PRPSAP1: variants seen among roughly 807,000 people sequenced by gnomAD.
The protein encoded by PRPSAP1 is phosphoribosyl pyrophosphate synthetase associated protein 1, also known as phosphoribosyl pyrophosphate synthase-associated protein 1.
Under a neutral mutation model 39.4 loss-of-function variants are expected in PRPSAP1, and 31 were observed. The observed-to-expected ratio is 0.79, with a 90% CI of 0.59 to 1.06. The LOEUF is 1.06. Among genes scored for constraint, PRPSAP1 ranks in the 50% least tolerant of loss-of-function variants. The pLI is 0.00. For missense variants in PRPSAP1, 430 were observed against 511.6 expected, an observed-to-expected ratio of 0.84 and a Z score of 1.54; for synonymous variants, 212 against 192.6, an observed-to-expected ratio of 1.10 and a Z score of -0.83.
rs2071068133 is a variant in PRPSAP1 at position 76,311,343 on chromosome 17, G to T, written c.*199C>A. The T allele has an allele frequency of 1.9e-6, 1 of 530,458 alleles. No individual in the cohort carries two copies. Among genetic ancestry groups the T allele is most frequent in the Non-Finnish European group, 3.2e-6 (1 of 309,232 alleles). 32.9% of individuals were successfully genotyped at this position (530,458 alleles called of 1,614,324 possible). ...GGGCTGATGACAGCAGACATGTAAG[G>T]CCATGTTATGATATTTATCCATTAG... On this transcript the variant is annotated 3_prime_UTR_variant, in exon 10 of 10. Transcript: ENST00000446526.
rs1324862872 is a variant in PRPSAP1, at chr17:76,353,574, A to C, written c.130T>G (p.Ser44Ala). Residue 44 changes from serine to alanine, a missense_variant, in exon 1 of 10, where the codon TCC becomes GCC. Ser to Ala is a moderately conservative substitution (Grantham distance 99). This residue lies in a region of PRPSAP1 where 152 missense variants were observed against 135.2 expected (regional missense o/e 1.12). Transcript: ENST00000446526. ...GCCAGCTCCGTGCAGGCGGCCGTGG[A>C]GTTGGCCGAGAAGACTCGGTAGCCG... ...RTGYRVFSAN[S>A]TAACTELAKR... 2.6e-6 allele frequency: 4 copies of C among 1,559,980 alleles called. No homozygotes were observed. Among genetic ancestry groups the C allele is most frequent in the Non-Finnish European group, 3.5e-6 (4 of 1,158,264 alleles).
intron 7 of PRPSAP1, among the ~76,000 whole-genome samples, chr17:76,318,761 A>G (rs2071153280): frequency 6.6e-6 from 1 of 152,202 alleles, no homozygotes; most frequent in Non-Finnish European, 1.5e-5. Flanking sequence ...CACTATGTCT[A>G]GAAGTAATGC....
At position 76,339,795 on chromosome 17, in the gene PRPSAP1, T is replaced by C. The variant is rs949306646; in HGVS notation, c.290+4876A>G. ...TGTACAAGACTCTGCTACAACTCTA[T>C]GAAGTGCTTCCTACTTCTTCCTTTG... On this transcript the variant is annotated intron_variant, in intron 3 of 9. Coordinates refer to ENST00000446526, the MANE Select transcript of PRPSAP1 (RefSeq NM_002766.3). Among the ~76,000 whole-genome samples the C allele has an allele frequency of 1.4e-4, 21 of 151,892 alleles. 1 individual carries two copies. The highest frequency in any genetic ancestry group is 4.6e-4 in the African/African-American group (19 of 41,160).
At chr17:76,332,135 G>T in intron 4 of PRPSAP1, 128 bp downstream of exon 4, 1 of 1,198,906 alleles carries the variant, frequency 8.3e-7, no homozygotes, top group Non-Finnish European at 1.2e-6. Context: ...CATATCCTTA[G>T]CCAAAACTGT....
intron 1 of PRPSAP1, 191 bp downstream of exon 1, chr17:76,353,343 A>C (rs2071600604): frequency 1.7e-6 from 1 of 573,722 alleles, no homozygotes; most frequent in Admixed American, 4.2e-5. Context: ...GTCCGCCCCA[A>C]GCCTCCCAGC....
intron 4 of PRPSAP1, among the ~76,000 whole-genome samples, chr17:76,331,886 T>G (rs2071325612): frequency 1.3e-5 from 2 of 151,690 alleles, no homozygotes; most frequent in African/African-American, 4.8e-5. Context: ...TAAAAGAAAA[T>G]CCAGCTTGAA....
chr17:76,344,801 AAAAC>A, intron 2 of PRPSAP1, 64 bp from the exon 3 acceptor site: 1 of 1,308,646 alleles, frequency 7.6e-7, no homozygotes, highest in Non-Finnish European at 1.1e-6. Flanking sequence ...AGAAAAAAGA[AAAAC>A]AAAAGTACTT....
intron 3 of PRPSAP1, among the ~76,000 whole-genome samples, chr17:76,341,582 T>C (rs898317476): frequency 3.9e-5 from 6 of 152,200 alleles, no homozygotes; most frequent in Non-Finnish European, 8.8e-5. Context: ...TGACAAATTC[T>C]TTCGTTATCA....
Position 76,322,475 on chromosome 17 carries a change from C to T in PRPSAP1, c.781+6242G>A, listed in dbSNP as rs560146572. Among the ~76,000 whole-genome samples the T allele has an allele frequency of 2.7e-3, 412 of 152,238 alleles. 2 individuals carry two copies. The highest frequency in any genetic ancestry group is 9.1e-3 in the African/African-American group (378 of 41,522). ...AAGGAGATTAGTGATGTTTTCATGC[C>T]CGCTAATACAACATCCATTCTGCAG... On this transcript the variant is annotated intron_variant, in intron 7 of 9. Coordinates refer to ENST00000446526, the MANE Select transcript of PRPSAP1 (RefSeq NM_002766.3).
chr17:76,329,074 A>T (rs1218535905), intron 6 of PRPSAP1: 26 of 360,832 alleles, frequency 7.2e-5, no homozygotes, highest in African/African-American at 4.5e-4. Context: ...GATTCTAGAC[A>T]TTTTTTTTTT....
intron 3 of PRPSAP1, 43 bp downstream of exon 3, chr17:76,344,628 T>G: frequency 7.3e-7 from 1 of 1,367,608 alleles, no homozygotes; most frequent in Non-Finnish European, 1.0e-6. Context: ...ATTATATTGT[T>G]AAGGTTTTTA....
At chr17:76,342,161 T>C (rs1287298613) in intron 3 of PRPSAP1, among the ~76,000 whole-genome samples, 2 of 152,068 alleles carry the variant, frequency 1.3e-5, no homozygotes, top group South Asian at 2.1e-4. Flanking sequence ...GACAATATGA[T>C]GTATATACGA....
Position 76,320,937 on chromosome 17 carries a change from C to G in PRPSAP1, c.782-7046G>C, listed in dbSNP as rs966510745. Among the ~76,000 whole-genome samples, 9 of 151,442 alleles carry G rather than the reference C, an allele frequency of 5.9e-5. 1 individual carries two copies. The highest frequency in any genetic ancestry group is 1.7e-4 in the African/African-American group (7 of 41,208). On this transcript the variant is annotated intron_variant, in intron 7 of 9. Transcript: ENST00000446526. Reference sequence around the variant, plus strand: ...GCTGGGACCACAGGTGCATGCCACACCTGGCTAATTTTTTGTATTTTTTTT... The same window carrying G: ...GCTGGGACCACAGGTGCATGCCACAGCTGGCTAATTTTTTGTATTTTTTTT...
At chr17:76,345,894 C>T (rs1055495152) in intron 2 of PRPSAP1, 9 of 416,462 alleles carry the variant, frequency 2.2e-5, no homozygotes, top group African/African-American at 8.5e-5. Flanking sequence ...AGGTGAAAGA[C>T]GAACCACAGA....
At chr17:76,344,605 GA>G in intron 3 of PRPSAP1, 65 bp downstream of exon 3, 1 of 1,289,446 alleles carries the variant, frequency 7.8e-7, no homozygotes. Context: ...TTGTTCATAT[GA>G]AAAGATAATC....
In PRPSAP1 at chr17:76,353,630, A is replaced by C. The variant is rs2071606195; in HGVS notation, c.74T>G (p.Val25Gly). ...AGCGGCGTTCATGGCCGGCGGGGGA[A>C]CGGGGCGGGCGCGCGGGACGCGGAA... ...SAFRVPRARP[V>G]PPPAMNAART... Residue 25 changes from valine (V) to glycine (G), a missense_variant, in exon 1 of 10, where the codon GTT becomes GGT. By Grantham distance (109) the Val-to-Gly change is moderately radical (BLOSUM62 -3). This residue lies in a region of PRPSAP1 where 152 missense variants were observed against 135.2 expected (regional missense o/e 1.12). Transcript: ENST00000446526. 2 of 1,544,594 alleles carry C rather than the reference A, an allele frequency of 1.3e-6. No homozygotes were observed. Among genetic ancestry groups the C allele is most frequent in the African/African-American group, 1.4e-5 (1 of 70,432 alleles).
intron 7 of PRPSAP1, among the ~76,000 whole-genome samples, chr17:76,315,303 T>A (rs2071110903): frequency 1.3e-5 from 2 of 152,206 alleles, no homozygotes; most frequent in South Asian, 4.1e-4. Context: ...TAAACTTTGT[T>A]ATTATTCTGA....
intron 7 of PRPSAP1, among the ~76,000 whole-genome samples, chr17:76,320,423 C>CTT (rs71161282): frequency 0.018 from 1,301 of 73,400 alleles, 272 homozygotes; most frequent in African/African-American, 0.054. Flanking sequence ...GCAGATAATG[C>CTT]TTTTTTTTTT....
intron 7 of PRPSAP1, among the ~76,000 whole-genome samples, chr17:76,325,472 AAAAG>A (rs1274297558): frequency 1.3e-5 from 2 of 151,236 alleles, no homozygotes; most frequent in African/African-American, 2.4e-5. Context: ...TCTCTTAAAA[AAAAG>A]AAAGAAAAGA....
Sources: gnomAD v4.1 joint callset for allele counts (sites outside exome capture counted in the v4.1 genomes callset) on GRCh38, gnomAD v4.1.1 for gene constraint, gnomAD v4.1.1 regional missense constraint, MANE v1.5 for transcripts, NCBI Gene and HGNC (gene_info 2026-07-23, HGNC 2026-07-21) for gene names.